The following FGGY variants were observed in gnomAD, a reference collection of about 807,000 sequenced individuals.
FGGY encodes FGGY carbohydrate kinase domain containing, also known as FGGY carbohydrate kinase domain-containing protein.
A neutral mutation model predicts 71.3 loss-of-function variants in FGGY; 72 were observed. That is an observed-to-expected ratio of 1.01 (90% confidence interval 0.84 to 1.23). FGGY has a LOEUF of 1.23. FGGY is among the 50% of genes most tolerant of loss of function. FGGY has a pLI of 0.00. For synonymous variants in FGGY, 251 were observed against 250.3 expected (o/e 1.00, Z -0.02); for missense variants, 668 against 682.3 (o/e 0.98, Z 0.23).
At chr1:59,503,609 A>ATATATATATATATATATAAAATATGTAT (rs2094295309) in intron 6 of FGGY, among the ~76,000 whole-genome samples, 1 of 146,914 alleles carries the variant, frequency 6.8e-6, no homozygotes, top group Non-Finnish European at 1.5e-5. Context: ...ATATATATAT[A>ATATATATATATATATATAAAATATGTAT]TATATATATA....
chr1:59,500,582 A>G (rs7512261), intron 6 of FGGY, among the ~76,000 whole-genome samples: 64,412 of 150,006 alleles, frequency 0.43, 15,066 homozygotes, highest in African/African-American at 0.62. Context: ...AAAGTTTGGG[A>G]AAGTAGGTGC....
rs1170047416 is a variant in FGGY at position 59,532,615 on chromosome 1, G to C, written c.799+20176G>C. On this transcript the variant is annotated intron_variant, in intron 7 of 15. Coordinates refer to ENST00000303721, the MANE Select transcript of FGGY (RefSeq NM_018291.5). ...TTGATACAACTTAGCACATATTCATGATTTTTTTAAAAATCATGGCAAACT... is the reference window on the plus strand; with the variant it reads ...TTGATACAACTTAGCACATATTCATCATTTTTTTAAAAATCATGGCAAACT... Among the ~76,000 whole-genome samples, 4 of 152,104 alleles carry C rather than the reference G, an allele frequency of 2.6e-5. No homozygotes were observed. In the East Asian group the frequency reaches 7.7e-4, roughly 29 times the overall value.
At chr1:59,504,347 C>A (rs150732988) in intron 6 of FGGY, among the ~76,000 whole-genome samples, 136 of 150,914 alleles carry the variant, frequency 9.0e-4, no homozygotes, top group African/African-American at 3.0e-3. Flanking sequence ...GTTGTGAGAA[C>A]CCCAACTTGA....
At chr1:59,647,854 C>T (rs1391850980) in intron 11 of FGGY, among the ~76,000 whole-genome samples, 16 of 123,488 alleles carry the variant, frequency 1.3e-4, no homozygotes, top group Admixed American at 1.2e-3. Flanking sequence ...CCCACTAACT[C>T]GTCATCTAGC....
At chr1:59,465,330 T>C (rs2092550084) in intron 6 of FGGY, among the ~76,000 whole-genome samples, 1 of 152,126 alleles carries the variant, frequency 6.6e-6, no homozygotes, top group Admixed American at 6.6e-5. Context: ...AAAAACTTAA[T>C]AAACTAGGTA....
chr1:59,333,913 G>T (rs1557581191), intron 2 of FGGY, among the ~76,000 whole-genome samples: 1 of 152,176 alleles, frequency 6.6e-6, no homozygotes, highest in Non-Finnish European at 1.5e-5. Context: ...TCACAGATGG[G>T]TCAGCAGCAA....
intron 9 of FGGY, among the ~76,000 whole-genome samples, chr1:59,620,827 C>G (rs142752006): frequency 2.0e-5 from 3 of 152,182 alleles, no homozygotes; most frequent in Admixed American, 6.6e-5. Flanking sequence ...CAGCTCTTCA[C>G]GCTGTAGTTT....
chr1:59,370,150 A>C (rs2057342508), intron 4 of FGGY, among the ~76,000 whole-genome samples: 1 of 151,704 alleles, frequency 6.6e-6, no homozygotes. Flanking sequence ...AAAGGCAAAG[A>C]AGTTAAAAAC....
At position 59,358,770 on chromosome 1, in the gene FGGY, GT is replaced by G. The variant is rs1202527118; in HGVS notation, c.465+12376del. Among the ~76,000 whole-genome samples the G allele has an allele frequency of 2.0e-5, 3 of 152,298 alleles. No homozygotes were observed. The East Asian group carries it at 5.8e-4, about 29-fold the overall frequency. ...AAGTTTTAGTTAAGATATTGACTTT[GT>G]TTTATTGCTATCTACATACATGGCC... On this transcript the variant is annotated intron_variant, in intron 4 of 15. Transcript: ENST00000303721.
intron 4 of FGGY, among the ~76,000 whole-genome samples, chr1:59,353,541 C>T (rs1309056231): frequency 6.6e-6 from 1 of 152,160 alleles, no homozygotes; most frequent in East Asian, 1.9e-4. Flanking sequence ...ATGTGTAATA[C>T]CAATTCCAAA....
At chr1:59,314,800 G>A (rs941310922) in intron 1 of FGGY, among the ~76,000 whole-genome samples, 1 of 152,200 alleles carries the variant, frequency 6.6e-6, no homozygotes, top group Non-Finnish European at 1.5e-5. Flanking sequence ...GGGATACAGA[G>A]GTGGATAAGA....
intron 5 of FGGY, among the ~76,000 whole-genome samples, chr1:59,437,753 A>T (rs1013858086): frequency 6.6e-6 from 1 of 152,236 alleles, no homozygotes; most frequent in African/African-American, 2.4e-5. Flanking sequence ...GTCACTAAAT[A>T]CATGAATATT....
chr1:59,614,379 C>T (rs553339204), intron 9 of FGGY, among the ~76,000 whole-genome samples: 1 of 152,294 alleles, frequency 6.6e-6, no homozygotes, highest in African/African-American at 2.4e-5. Flanking sequence ...TGCATATAAA[C>T]AGAACCAACG....
chr1:59,735,467 T>C (rs952358726), intron 14 of FGGY, among the ~76,000 whole-genome samples: 1 of 152,222 alleles, frequency 6.6e-6, no homozygotes, highest in African/African-American at 2.4e-5. Context: ...TTCACTCTTA[T>C]GAGAGCATTC....
intron 14 of FGGY, among the ~76,000 whole-genome samples, chr1:59,721,992 G>T (rs542069009): frequency 1.3e-5 from 2 of 152,314 alleles, no homozygotes; most frequent in South Asian, 4.1e-4. Context: ...ATTTTATGCA[G>T]ATTTCCTTAG....
chr1:59,534,420 CAGG>C (rs561982271), intron 7 of FGGY, among the ~76,000 whole-genome samples: 4,010 of 152,200 alleles, frequency 0.026, 177 homozygotes, highest in African/African-American at 0.092. Context: ...GGATATTATC[CAGG>C]AGAACTCCCC....
At chr1:59,637,458 C>T (rs2096972160) in intron 10 of FGGY, among the ~76,000 whole-genome samples, 1 of 152,054 alleles carries the variant, frequency 6.6e-6, no homozygotes, top group African/African-American at 2.4e-5. Flanking sequence ...CATGGTGAAA[C>T]CCCGTCTCTA....
At chr1:59,460,466 G>T (rs1441857579) in intron 6 of FGGY, among the ~76,000 whole-genome samples, 1 of 152,150 alleles carries the variant, frequency 6.6e-6, no homozygotes, top group Non-Finnish European at 1.5e-5. Context: ...CCCCACCACT[G>T]GGGGCACGGC....
intron 8 of FGGY, among the ~76,000 whole-genome samples, chr1:59,586,726 G>C (rs1571684367): frequency 6.6e-6 from 1 of 152,162 alleles, no homozygotes; most frequent in African/African-American, 2.4e-5. Context: ...AAAAGTGGTA[G>C]AGAGGGGGAT....
Sources: allele counts gnomAD v4.1 joint callset (sites outside exome capture counted in the v4.1 genomes callset), GRCh38; gene constraint gnomAD v4.1.1; transcripts MANE v1.5; gene names NCBI Gene and HGNC (gene_info 2026-07-23, HGNC 2026-07-21).